TMIGD3: variants seen among roughly 807,000 people sequenced by gnomAD.
The protein encoded by TMIGD3 is AD026 protein (AD026).
Under a neutral mutation model 28.1 loss-of-function variants are expected in TMIGD3, and 21 were observed. That is an observed-to-expected ratio of 0.75 (90% confidence interval 0.53 to 1.08). The LOEUF is 1.08. TMIGD3 is among the 50% of genes least tolerant of loss of function. The probability of loss-of-function intolerance (pLI) is 0.00; values close to 1 mark genes in which losing one functional copy is unlikely to be tolerated. For synonymous variants in TMIGD3, 151 were observed against 162.1 expected, an observed-to-expected ratio of 0.93 and a Z score of 0.52; for missense variants, 416 against 435.6, an observed-to-expected ratio of 0.96 and a Z score of 0.40.
intron 1 of TMIGD3, among the ~76,000 whole-genome samples, chr1:111,536,434 G>C (rs1656641676): frequency 6.6e-6 from 1 of 152,080 alleles, no homozygotes; most frequent in Admixed American, 6.6e-5. Flanking sequence ...AACATTGAAA[G>C]CCATGCCCTC....
intron 4 of TMIGD3, 45 bp from the exon 5 acceptor site, chr1:111,485,885 C>A: frequency 1.4e-6 from 2 of 1,461,818 alleles, no homozygotes; most frequent in Non-Finnish European, 1.9e-6. Context: ...GAAGAAACTG[C>A]CTATTGATTC....
chr1:111,503,149 G>T lies in TMIGD3; in HGVS notation c.206C>A (p.Ala69Asp), dbSNP rs769801494. Residue 69 changes from alanine (A) to aspartate (D), a missense_variant, in exon 1 of 6, where the codon GCC becomes GAC. Ala to Asp is a moderately radical substitution (Grantham distance 126). Transcript: ENST00000369716. Reference sequence around the variant, plus strand: ...TGTGATGCCCAGGCTGACAACAATGGCCAAAGGCATGACCAGCACCCCAAC... The same window carrying T: ...TGTGATGCCCAGGCTGACAACAATGTCCAAAGGCATGACCAGCACCCCAAC... ...IAVGVLVMPLAIVVSLGITIH... is the reference protein window; with the variant it reads ...IAVGVLVMPLDIVVSLGITIH... The T allele has an allele frequency of 6.2e-7, 1 of 1,614,098 alleles. No individual in the cohort carries two copies. Among genetic ancestry groups the T allele is most frequent in the African/African-American group, 1.3e-5 (1 of 74,932 alleles).
chr1:111,534,210 T>C (rs1656562719), intron 1 of TMIGD3, among the ~76,000 whole-genome samples: 1 of 152,218 alleles, frequency 6.6e-6, no homozygotes, highest in African/African-American at 2.4e-5. Flanking sequence ...ATATCATGGG[T>C]ATCTTTCAAT....
Position 111,503,047 on chromosome 1 carries a change from G to T in TMIGD3, c.308C>A (p.Ala103Asp). 8 of 1,614,210 alleles carry T rather than the reference G, an allele frequency of 5.0e-6. No individual in the cohort carries two copies. Among genetic ancestry groups the T allele is most frequent in the Non-Finnish European group, 6.8e-6 (8 of 1,180,040 alleles). Residue 103 changes from alanine to aspartate, a missense_variant, in exon 1 of 6, where the codon GCC (alanine) becomes GAC (aspartate). Transcript: ENST00000369716. ...FTHASIMSLL[A>D]IAVDRYLRVK... The stretch of plus-strand genomic sequence containing the variant: ...CCGCAAGTATCGGTCCACAGCGATG[G>T]CCAGCAAGGACATGATGGAGGCGTG...
intron 1 of TMIGD3, chr1:111,542,170 G>C (rs1300387852): frequency 3.9e-5 from 18 of 465,996 alleles, no homozygotes; most frequent in Non-Finnish European, 7.4e-5. Flanking sequence ...AGATGCCTTG[G>C]ATAATCCTTT....
intron 1 of TMIGD3, among the ~76,000 whole-genome samples, chr1:111,556,932 A>G (rs555154466): frequency 6.6e-5 from 10 of 152,046 alleles, no homozygotes. Context: ...TATATTACCA[A>G]GGTTTTTTCA....
chr1:111,518,257 A>G (rs1655932582), intron 1 of TMIGD3, among the ~76,000 whole-genome samples: 1 of 152,226 alleles, frequency 6.6e-6, no homozygotes, highest in Admixed American at 6.5e-5. Context: ...TGAATTGATC[A>G]TTTGACAATG....
At chr1:111,516,554 T>A (rs554443589) in intron 1 of TMIGD3, among the ~76,000 whole-genome samples, 5 of 152,156 alleles carry the variant, frequency 3.3e-5, no homozygotes, top group Non-Finnish European at 7.4e-5. Flanking sequence ...CAGCAGACCC[T>A]CCTACGCCCT....
chr1:111,530,874 A>G (rs924697517), intron 1 of TMIGD3, among the ~76,000 whole-genome samples: 1 of 152,204 alleles, frequency 6.6e-6, no homozygotes, highest in African/African-American at 2.4e-5. Flanking sequence ...AGCATTAATC[A>G]AAGTTGGAAA....
chr1:111,537,259 A>G (rs541304986), intron 1 of TMIGD3, among the ~76,000 whole-genome samples: 66 of 152,294 alleles, frequency 4.3e-4, no homozygotes, highest in Non-Finnish European at 7.1e-4. Flanking sequence ...CTGTATGCCT[A>G]TTTGTTCACC....
chr1:111,510,339 TA>T (rs1655648544), intron 1 of TMIGD3, among the ~76,000 whole-genome samples: 1 of 152,084 alleles, frequency 6.6e-6, no homozygotes, highest in Non-Finnish European at 1.5e-5. Context: ...AAGGTTAATA[TA>T]AAAAAACTGT....
chr1:111,499,387 T>A (rs762452228), intron 1 of TMIGD3: 31 of 985,714 alleles, frequency 3.1e-5, no homozygotes, highest in Non-Finnish European at 3.7e-5. Context: ...GCCAGCTGGG[T>A]CTTTAAGCCC....
intron 1 of TMIGD3, among the ~76,000 whole-genome samples, chr1:111,554,837 A>G (rs1343893575): frequency 6.6e-6 from 1 of 152,170 alleles, no homozygotes; most frequent in African/African-American, 2.4e-5. Context: ...GGAATCTAAG[A>G]ATCTAAAAAA....
intron 1 of TMIGD3, among the ~76,000 whole-genome samples, chr1:111,555,362 TA>T (rs397981230): frequency 4.6e-3 from 221 of 47,618 alleles, no homozygotes; most frequent in African/African-American, 0.019. Flanking sequence ...TGAGACTCTG[TA>T]AAAAAAAAAA....
chr1:111,538,098 G>A (rs1656700136), intron 1 of TMIGD3, among the ~76,000 whole-genome samples: 1 of 152,162 alleles, frequency 6.6e-6, no homozygotes, highest in Non-Finnish European at 1.5e-5. Context: ...ATATCAGGAT[G>A]ATGTTATGGA....
At chr1:111,522,109 A>G (rs924614974) in intron 1 of TMIGD3, among the ~76,000 whole-genome samples, 1 of 152,194 alleles carries the variant, frequency 6.6e-6, no homozygotes, top group African/African-American at 2.4e-5. Flanking sequence ...ATTGTGTTAC[A>G]TCAATCTATT....
intron 1 of TMIGD3, among the ~76,000 whole-genome samples, chr1:111,550,230 G>T (rs1036315844): frequency 1.3e-5 from 2 of 152,036 alleles, no homozygotes; most frequent in African/African-American, 4.8e-5. Context: ...TTTCTGGTCA[G>T]CATGGATAAA....
intron 1 of TMIGD3, among the ~76,000 whole-genome samples, chr1:111,514,599 G>T (rs1397184762): frequency 1.3e-5 from 2 of 150,522 alleles, no homozygotes; most frequent in Non-Finnish European, 3.0e-5. Flanking sequence ...ACCCAGAACC[G>T]CCATTACCTT....
chr1:111,497,625 T>G (rs919743211), intron 1 of TMIGD3, among the ~76,000 whole-genome samples: 1 of 151,966 alleles, frequency 6.6e-6, no homozygotes, highest in East Asian at 1.9e-4. Context: ...ATCAGTGGAC[T>G]TGCTAAGCTG....
Sources: gnomAD v4.1 joint callset for allele counts (sites outside exome capture counted in the v4.1 genomes callset) on GRCh38, gnomAD v4.1.1 for gene constraint, MANE v1.5 for transcripts, NCBI Gene and HGNC (gene_info 2026-07-23, HGNC 2026-07-21) for gene names.